COMMD1: variants seen among roughly 807,000 people sequenced by gnomAD.
COMMD1 encodes the protein COMM domain-containing protein 1.
COMMD1 carries 10 observed loss-of-function variants against 17.2 expected under a neutral mutation model. That is an observed-to-expected ratio of 0.58 (90% CI 0.36 to 0.99). The LOEUF is 0.99. COMMD1 is among the 50% of genes least tolerant of loss of function. COMMD1 has a pLI of 0.01. For synonymous variants in COMMD1, 97 were observed against 91.6 expected (o/e 1.06, Z -0.34); for missense variants, 270 against 231.8 (o/e 1.17, Z -1.07).
At chr2:61,923,275 A>G (rs1356458905) in intron 1 of COMMD1, among the ~76,000 whole-genome samples, 1 of 152,182 alleles carries the variant, frequency 6.6e-6, no homozygotes, top group East Asian at 1.9e-4. Context: ...ATGATGGATG[A>G]TGCAGAATTG....
chr2:61,888,600 C>T (rs1471765341), upstream of COMMD1: 15 of 1,396,024 alleles, frequency 1.1e-5, no homozygotes, highest in Middle Eastern at 5.0e-4. Flanking sequence ...CCCTCACTGC[C>T]TTCACGAACC....
At chr2:62,049,659 T>G (rs1470005984) in intron 2 of COMMD1, among the ~76,000 whole-genome samples, 2 of 152,190 alleles carry the variant, frequency 1.3e-5, no homozygotes, top group East Asian at 3.9e-4. Flanking sequence ...CAGGCCTTTA[T>G]AAGGTAGAGG....
At chr2:62,119,221 G>A (rs1205940382) in intron 2 of COMMD1, among the ~76,000 whole-genome samples, 1 of 152,126 alleles carries the variant, frequency 6.6e-6, no homozygotes, top group South Asian at 2.1e-4. Flanking sequence ...CCAAGGAGAG[G>A]CCTCAGGAGA....
intron 1 of COMMD1, among the ~76,000 whole-genome samples, chr2:61,895,998 G>A (rs1669541597): frequency 6.6e-6 from 1 of 152,132 alleles, no homozygotes; most frequent in Non-Finnish European, 1.5e-5. Context: ...CCATTTGAGT[G>A]CCATCCCATC....
At chr2:61,988,986 C>G (rs1012878714) in intron 1 of COMMD1, among the ~76,000 whole-genome samples, 2 of 152,202 alleles carry the variant, frequency 1.3e-5, no homozygotes, top group Non-Finnish European at 2.9e-5. Context: ...CACACAGATT[C>G]TCTCTACTTG....
chr2:61,987,762 A>T lies in COMMD1; in HGVS notation c.181-12939A>T, dbSNP rs183194623. Among the ~76,000 whole-genome samples, 399 of 152,208 alleles carry T rather than the reference A, an allele frequency of 2.6e-3. 1 individual carries two copies. The highest frequency in any genetic ancestry group is 8.4e-3 in the African/African-American group (351 of 41,550). ...AGGCTTGTGACCTTCCATTCAGGGG[A>T]TTGAGTTCTCCTGAGCCCTAGTAGT... is the stretch of plus-strand genomic sequence containing the variant. On this transcript the variant is annotated intron_variant, in intron 1 of 2. Transcript: ENST00000311832.
chr2:62,026,563 A>G (rs1258740701), intron 2 of COMMD1, among the ~76,000 whole-genome samples: 2 of 152,180 alleles, frequency 1.3e-5, no homozygotes, highest in East Asian at 3.8e-4. Flanking sequence ...TACCCAAACT[A>G]TATCACTGTG....
At chr2:62,055,612 G>A (rs1012810273) in intron 2 of COMMD1, among the ~76,000 whole-genome samples, 4 of 152,214 alleles carry the variant, frequency 2.6e-5, no homozygotes, top group African/African-American at 9.6e-5. Flanking sequence ...TGAATACAAA[G>A]AACAGAAGCA....
At chr2:61,927,588 C>T (rs191100928) in intron 1 of COMMD1, among the ~76,000 whole-genome samples, 14 of 152,026 alleles carry the variant, frequency 9.2e-5, no homozygotes, top group African/African-American at 2.4e-4. Context: ...TTAGTAGAGG[C>T]GGGATTTCAC....
At chr2:61,984,779 T>C (rs887506784) in intron 1 of COMMD1, among the ~76,000 whole-genome samples, 1 of 152,226 alleles carries the variant, frequency 6.6e-6, no homozygotes, top group African/African-American at 2.4e-5. Context: ...TATTATTGTA[T>C]TGGGGTCTGT....
At position 62,076,841 on chromosome 2, in the gene COMMD1, G is replaced by A. The variant is rs543483600; in HGVS notation, c.463-58990G>A. On this transcript the variant is annotated intron_variant, in intron 2 of 2. Transcript: ENST00000311832. The stretch of plus-strand genomic sequence containing the variant: ...AAGTGGCTTGTTGAGTATTTATTAA[G>A]AGTATTTAGGTCAGGCACAGTGGCT... 1.5e-3 allele frequency among the ~76,000 whole-genome samples: 221 copies of A among 152,218 alleles called. 1 individual carries two copies. The highest frequency in any genetic ancestry group is 5.2e-3 in the African/African-American group (215 of 41,536).
At chr2:61,908,552 G>A (rs938816498) in intron 1 of COMMD1, among the ~76,000 whole-genome samples, 9 of 147,650 alleles carry the variant, frequency 6.1e-5, no homozygotes, top group African/African-American at 2.3e-4. Flanking sequence ...CAACACTGAG[G>A]GTTAAATTTC....
chr2:61,937,740 A>G (rs1670639718), intron 1 of COMMD1, among the ~76,000 whole-genome samples: 1 of 152,228 alleles, frequency 6.6e-6, no homozygotes, highest in Non-Finnish European at 1.5e-5. Flanking sequence ...GCAATTAGCT[A>G]TACAAAACAT....
chr2:62,123,397 T>TG (rs1368470368), intron 2 of COMMD1, among the ~76,000 whole-genome samples: 6 of 150,066 alleles, frequency 4.0e-5, no homozygotes, highest in Non-Finnish European at 8.9e-5. Flanking sequence ...ACCAGCTACT[T>TG]GGGAGGCTGA....
chr2:62,058,906 G>A (rs1001697875), intron 2 of COMMD1, among the ~76,000 whole-genome samples: 4 of 151,276 alleles, frequency 2.6e-5, no homozygotes, highest in Non-Finnish European at 5.9e-5. Flanking sequence ...TCAGCCTCCC[G>A]AGTAGCTGGG....
intron 1 of COMMD1, among the ~76,000 whole-genome samples, chr2:61,963,031 G>A (rs143888242): frequency 0.046 from 7,029 of 151,420 alleles, 189 homozygotes; most frequent in East Asian, 0.089. Flanking sequence ...GTGGTGGCAC[G>A]CACCTATAAT....
chr2:62,071,367 T>A (rs1212106931), intron 2 of COMMD1, among the ~76,000 whole-genome samples: 6 of 152,228 alleles, frequency 3.9e-5, no homozygotes, highest in Non-Finnish European at 8.8e-5. Context: ...TTGGAGGGAT[T>A]TGTCTGGCTT....
chr2:62,028,629 A>G (rs1669836065), intron 2 of COMMD1, among the ~76,000 whole-genome samples: 1 of 152,188 alleles, frequency 6.6e-6, no homozygotes, highest in Non-Finnish European at 1.5e-5. Flanking sequence ...ACTATTGGAT[A>G]GGTTTTTTTT....
intron 1 of COMMD1, among the ~76,000 whole-genome samples, chr2:61,892,484 G>A (rs1185858955): frequency 6.6e-6 from 1 of 151,956 alleles, no homozygotes; most frequent in Non-Finnish European, 1.5e-5. Flanking sequence ...GCTGAGGTCA[G>A]GGGATTGAGA....
Sources: allele counts gnomAD v4.1 joint callset (sites outside exome capture counted in the v4.1 genomes callset), GRCh38; gene constraint gnomAD v4.1.1; transcripts MANE v1.5; gene names NCBI Gene and HGNC (gene_info 2026-07-23, HGNC 2026-07-21).